The following ROBO2 variants were observed in gnomAD, a reference collection of about 807,000 sequenced individuals.
ROBO2 encodes the protein roundabout homolog 2.
Under a neutral mutation model 160.8 loss-of-function variants are expected in ROBO2, and 53 were observed. The ratio of observed to expected loss-of-function variants is 0.33; its 90% CI spans 0.26 to 0.41. The LOEUF (loss-of-function observed/expected upper bound fraction) is 0.41, where lower values mean the gene tolerates loss of function less well. Among genes scored for constraint, ROBO2 ranks in the 10% least tolerant of loss-of-function variants. ROBO2 has a pLI of 1.00. For missense variants in ROBO2, 1,577 were observed against 1,722.4 expected (o/e 0.92, Z 1.49); for synonymous variants, 664 against 611.7 (o/e 1.09, Z -1.26).
intron 2 of ROBO2, among the ~76,000 whole-genome samples, chr3:77,286,018 C>T (rs969910703): frequency 1.3e-5 from 2 of 152,088 alleles, no homozygotes; most frequent in African/African-American, 2.4e-5. Flanking sequence ...AACCCATTCC[C>T]TTCTCAGAGG....
chr3:76,341,430 A>AG (rs2074219911), intron 2 of ROBO2, among the ~76,000 whole-genome samples: 1 of 150,176 alleles, frequency 6.7e-6, no homozygotes, highest in African/African-American at 2.5e-5. Flanking sequence ...AAAAAAAAAA[A>AG]AAAAAAAAAA....
At position 76,056,200 on chromosome 3, in the gene ROBO2, C is replaced by T. The variant is rs577194103; in HGVS notation, c.109+118598C>T. ...ATAATTTAAAGTATACGGGAGGATG[C>T]GCATAGACTATATACACATATGACA... On this transcript the variant is annotated intron_variant, in intron 2 of 26. Coordinates refer to the ROBO2 transcript ENST00000487694. Among the ~76,000 whole-genome samples the T allele has an allele frequency of 5.9e-5, 9 of 152,100 alleles. 1 individual carries two copies. The highest frequency in any genetic ancestry group is 2.1e-4 in the South Asian group (1 of 4,802).
At chr3:76,966,365 T>G (rs2059294722) in intron 2 of ROBO2, among the ~76,000 whole-genome samples, 1 of 152,234 alleles carries the variant, frequency 6.6e-6, no homozygotes, top group South Asian at 2.1e-4. Context: ...GTTATTTCAT[T>G]TTTTCCACTT....
At chr3:76,561,081 T>C (rs1578157937) in intron 2 of ROBO2, among the ~76,000 whole-genome samples, 1 of 151,294 alleles carries the variant, frequency 6.6e-6, no homozygotes, top group Non-Finnish European at 1.5e-5. Context: ...TATTCACCAT[T>C]ATAGCTCACT....
At chr3:77,596,847 T>C (rs559760276) in intron 19 of ROBO2, 97 bp downstream of exon 20, 107 of 1,362,524 alleles carry the variant, frequency 7.9e-5, no homozygotes, top group Non-Finnish European at 9.9e-5. Context: ...TATCAGAGAG[T>C]ATTTACTCCC....
intron 2 of ROBO2, among the ~76,000 whole-genome samples, chr3:77,011,678 G>A (rs2061930604): frequency 6.6e-6 from 1 of 151,964 alleles, no homozygotes; most frequent in African/African-American, 2.4e-5. Flanking sequence ...ACCTTTTTCA[G>A]GCCTGAGTGG....
intron 21 of ROBO2, among the ~76,000 whole-genome samples, chr3:77,614,685 G>A (rs978539630): frequency 2.0e-5 from 3 of 152,008 alleles, no homozygotes; most frequent in Non-Finnish European, 2.9e-5. Context: ...GGGGTCTAAG[G>A]AAATTGAACA....
intron 2 of ROBO2, among the ~76,000 whole-genome samples, chr3:77,209,106 A>G (rs530962146): frequency 6.6e-6 from 1 of 152,192 alleles, no homozygotes; most frequent in Non-Finnish European, 1.5e-5. Flanking sequence ...TTTTGTACAG[A>G]TATTCATCTA....
intron 2 of ROBO2, among the ~76,000 whole-genome samples, chr3:76,734,875 C>T (rs920008459): frequency 2.6e-5 from 4 of 152,176 alleles, no homozygotes; most frequent in Admixed American, 1.3e-4. Context: ...TCATCTACTC[C>T]ATTTTCTCTC....
At chr3:75,948,247 T>G (rs1387886761) in intron 2 of ROBO2, among the ~76,000 whole-genome samples, 1 of 152,088 alleles carries the variant, frequency 6.6e-6, no homozygotes, top group Non-Finnish European at 1.5e-5. Flanking sequence ...CATTTTTGGT[T>G]TTTGTTTTAT....
At chr3:76,155,565 G>A (rs2875360) in intron 2 of ROBO2, among the ~76,000 whole-genome samples, 47,069 of 151,964 alleles carry the variant, frequency 0.31, 7,859 homozygotes, top group Non-Finnish European at 0.37. Flanking sequence ...GTCATAACAG[G>A]GGCTGCTTTT....
intron 1 of ROBO2, among the ~76,000 whole-genome samples, chr3:77,047,695 T>C (rs916079649): frequency 6.8e-5 from 10 of 147,434 alleles, no homozygotes; most frequent in Non-Finnish European, 1.5e-4. Context: ...CAAAAAAATA[T>C]ATATAATGAT....
intron 2 of ROBO2, among the ~76,000 whole-genome samples, chr3:76,018,876 AT>A (rs1464309060): frequency 1.3e-5 from 2 of 151,902 alleles, no homozygotes; most frequent in East Asian, 1.9e-4. Flanking sequence ...ATTGGCTAAT[AT>A]TTGCATTATG....
intron 2 of ROBO2, among the ~76,000 whole-genome samples, chr3:76,610,870 G>A (rs752672600): frequency 2.0e-5 from 3 of 152,214 alleles, no homozygotes; most frequent in Non-Finnish European, 4.4e-5. Flanking sequence ...CACTGGGCAG[G>A]TTCCAAATTC....
intron 2 of ROBO2, among the ~76,000 whole-genome samples, chr3:77,174,508 C>A (rs1036544451): frequency 2.0e-5 from 3 of 151,982 alleles, no homozygotes; most frequent in Admixed American, 6.6e-5. Flanking sequence ...CCCCTTATCC[C>A]CATGCCATCT....
chr3:77,359,684 GGTTT>G (rs2069645029), intron 2 of ROBO2, among the ~76,000 whole-genome samples: 2 of 152,036 alleles, frequency 1.3e-5, no homozygotes, highest in East Asian at 1.9e-4. Context: ...TCAGCCCTTT[GGTTT>G]GTTTGTTTGA....
chr3:76,837,842 TC>T (rs2067850012), intron 2 of ROBO2, among the ~76,000 whole-genome samples: 1 of 152,032 alleles, frequency 6.6e-6, no homozygotes, highest in South Asian at 2.1e-4. Context: ...TTACTAATTG[TC>T]CTAATAATAC....
chr3:76,601,757 C>T (rs2087162063), intron 2 of ROBO2, among the ~76,000 whole-genome samples: 1 of 152,186 alleles, frequency 6.6e-6, no homozygotes, highest in Admixed American at 6.5e-5. Flanking sequence ...CCCCCATAGT[C>T]CTGGGGATTA....
At chr3:76,299,344 C>T (rs953076639) in intron 2 of ROBO2, among the ~76,000 whole-genome samples, 6 of 151,990 alleles carry the variant, frequency 3.9e-5, no homozygotes, top group East Asian at 3.9e-4. Context: ...CTGAAGCAAG[C>T]GAGGGATTTG....
Sources: allele counts gnomAD v4.1 joint callset (sites outside exome capture counted in the v4.1 genomes callset), GRCh38; gene constraint gnomAD v4.1.1; transcripts MANE v1.5; gene names NCBI Gene and HGNC (gene_info 2026-07-23, HGNC 2026-07-21).